The following PRH1 variants were observed in gnomAD, a reference collection of about 807,000 sequenced individuals.
The protein encoded by PRH1 is proline rich protein HaeIII subfamily 1.
PRH1 carries 7 observed loss-of-function variants against 7.9 expected under a neutral mutation model. That is an observed-to-expected ratio of 0.89 (90% CI 0.50 to 1.67). The LOEUF (loss-of-function observed/expected upper bound fraction) is 1.67. PRH1 is among the 40% of genes most tolerant of loss of function. PRH1 has a pLI of 0.00. For synonymous variants in PRH1, 45 were observed against 80.8 expected (o/e 0.56, Z 2.38); for missense variants, 109 against 223.6 (o/e 0.49, Z 3.27).
intron 2 of PRH1, among the ~76,000 whole-genome samples, chr12:10,945,469 C>T (rs117062990): frequency 0.02 from 3,007 of 152,098 alleles, 35 homozygotes; most frequent in South Asian, 0.032. Flanking sequence ...CCAGCAAGTT[C>T]TTATTAGTGA....
At position 11,044,107 on chromosome 12, in the gene PRH1, G is replaced by A. The variant is rs1409671889; in HGVS notation, c.-126+2913C>T. ...CATTAAGACAGACACATAGACCAAC[G>A]GAATAGAATAGACAACTTGGAAACA... On this transcript the variant is annotated intron_variant, in intron 1 of 3. Coordinates refer to the PRH1 transcript ENST00000539853. 1.5e-4 allele frequency among the ~76,000 whole-genome samples: 23 copies of A among 152,034 alleles called. 1 individual carries two copies. The highest frequency in any genetic ancestry group is 1.5e-3 in the Admixed American group (23 of 15,258).
At position 11,091,115 on chromosome 12, in the gene PRH1, CATATATATATATATATAT is replaced by C. The variant is rs1555163213; in HGVS notation, n.124-43945_124-43928del. Among the ~76,000 whole-genome samples the C allele has an allele frequency of 1.2e-4, 3 of 25,104 alleles. 1 individual carries two copies. The highest frequency in any genetic ancestry group is 1.4e-3 in the Admixed American group (2 of 1,468). The allele number at this position is 25,104 out of a possible 152,430, so 16.5% of individuals were successfully genotyped here. A position where few individuals can be genotyped will look rare whatever the true frequency, so the allele number is the denominator to read the frequency against. ...ACACAAATACACACACACACACACA[CATATATATATATATATAT>C]ATATATATATTTTCTAGACTGCCAT... On this transcript the variant is annotated intron_variant and non_coding_transcript_variant, in intron 1 of 4. Coordinates refer to the PRH1 transcript ENST00000541977.
intron 1 of PRH1, chr12:11,061,913 C>T (rs1377887940): frequency 6.2e-7 from 1 of 1,613,980 alleles, no homozygotes; most frequent in Admixed American, 1.7e-5. Context: ...ACCAGAACAA[C>T]ACTCTTAACT....
At chr12:10,959,355 C>T (rs1041026594) in intron 2 of PRH1, among the ~76,000 whole-genome samples, 1 of 151,864 alleles carries the variant, frequency 6.6e-6, no homozygotes, top group Non-Finnish European at 1.5e-5. Flanking sequence ...CGGAGACCAG[C>T]GTTGAGATCT....
chr12:11,162,638 A>G (rs1206340499), intron 1 of PRH1, among the ~76,000 whole-genome samples: 2 of 152,178 alleles, frequency 1.3e-5, no homozygotes, highest in Admixed American at 1.3e-4. Flanking sequence ...GTTGCTGACC[A>G]AAATCCTTGT....
chr12:11,068,045 G>A (rs1943902464), intron 1 of PRH1, among the ~76,000 whole-genome samples: 3 of 151,142 alleles, frequency 2.0e-5, no homozygotes, highest in East Asian at 3.9e-4. Flanking sequence ...TTTTTATTGG[G>A]GAGCATAACT....
chr12:11,061,266 C>T, intron 1 of PRH1: 1 of 1,491,730 alleles, frequency 6.7e-7, no homozygotes, highest in South Asian at 1.4e-5. Flanking sequence ...GAAAGTTATT[C>T]ATATACATAC....
At chr12:11,148,201 A>G (rs1249845033) in intron 1 of PRH1, among the ~76,000 whole-genome samples, 3 of 147,054 alleles carry the variant, frequency 2.0e-5, no homozygotes, top group Non-Finnish European at 4.5e-5. Flanking sequence ...AGACAATGGG[A>G]TTTTCTAGAT....
At chr12:11,054,709 T>A (rs72477405) in intron 1 of PRH1, among the ~76,000 whole-genome samples, 513 of 25,672 alleles carry the variant, frequency 0.02, no homozygotes, top group East Asian at 0.18. Context: ...AATTTCTGCC[T>A]CTTTGAAATG....
At position 11,158,131 on chromosome 12, in the gene PRH1, C is replaced by T. The variant is rs541511008; in HGVS notation, n.39+13291G>A. Among the ~76,000 whole-genome samples, 11 of 152,188 alleles carry T rather than the reference C, an allele frequency of 7.2e-5. No homozygotes were observed. In the East Asian group the frequency reaches 7.7e-4, roughly 11 times the overall value. On this transcript the variant is annotated intron_variant and non_coding_transcript_variant, in intron 1 of 1. Coordinates refer to the PRH1 transcript ENST00000541175. ...GTAAAAGTTACCTCAAACAACAGTG[C>T]TGGGTTTTTTTTCTTTCATATGGAC...
intron 1 of PRH1, among the ~76,000 whole-genome samples, chr12:11,012,066 T>C (rs7305184): frequency 0.3 from 46,379 of 152,112 alleles, 8,944 homozygotes; most frequent in East Asian, 0.74. Context: ...ATTGTTTAAT[T>C]AAAATATTTA....
intron 1 of PRH1, among the ~76,000 whole-genome samples, chr12:11,073,267 A>G (rs370568711): frequency 0.035 from 2,765 of 79,348 alleles, 45 homozygotes; most frequent in Non-Finnish European, 0.042. Flanking sequence ...TACTAGCTGT[A>G]TTTACAGCCA....
At chr12:11,087,842 A>G (rs1201305824) in intron 1 of PRH1, among the ~76,000 whole-genome samples, 2 of 116,002 alleles carry the variant, frequency 1.7e-5, no homozygotes, top group African/African-American at 5.8e-5. Context: ...GTCTTCACTA[A>G]GCAGAGCAGA....
intron 1 of PRH1, among the ~76,000 whole-genome samples, chr12:11,156,043 C>T (rs930853281): frequency 6.6e-5 from 10 of 152,166 alleles, no homozygotes; most frequent in Non-Finnish European, 1.0e-4. Flanking sequence ...CTTTTAGTTA[C>T]GCACATTTGC....
intron 2 of PRH1, among the ~76,000 whole-genome samples, chr12:10,901,735 T>C (rs932000989): frequency 4.6e-5 from 7 of 151,914 alleles, no homozygotes; most frequent in Non-Finnish European, 1.0e-4. Context: ...TGTAAGTGCA[T>C]AAGGCTATAG....
intron 1 of PRH1, among the ~76,000 whole-genome samples, chr12:10,990,559 C>T (rs534572030): frequency 1.4e-3 from 208 of 152,224 alleles, no homozygotes; most frequent in Admixed American, 3.5e-3. Flanking sequence ...GGATTTTGGC[C>T]TTACTCTAAT....
chr12:10,968,364 C>T (rs554182639), intron 2 of PRH1, among the ~76,000 whole-genome samples: 200 of 152,126 alleles, frequency 1.3e-3, no homozygotes, highest in African/African-American at 3.7e-3. Context: ...ATTTAAATTA[C>T]GTAGGCATTA....
intron 1 of PRH1, chr12:10,997,027 G>GT: frequency 6.2e-7 from 1 of 1,614,040 alleles, no homozygotes; most frequent in South Asian, 1.1e-5. Context: ...TTAGCGTCTT[G>GT]TTCCCCCAAA....
chr12:11,072,255 G>GT (rs1944106728), intron 1 of PRH1, among the ~76,000 whole-genome samples: 1 of 80,328 alleles, frequency 1.2e-5, no homozygotes, highest in African/African-American at 2.9e-5. Context: ...CCAAAGTTCC[G>GT]GGATTGCAAG....
Sources: allele counts gnomAD v4.1 joint callset (sites outside exome capture counted in the v4.1 genomes callset), GRCh38; gene constraint gnomAD v4.1.1; transcripts MANE v1.5; gene names NCBI Gene and HGNC (gene_info 2026-07-23, HGNC 2026-07-21).